Variants in FBXO33 observed in about 807,000 individuals in gnomAD.
The protein encoded by FBXO33 is F-box only protein 33.
In FBXO33, 22 loss-of-function variants were observed where a neutral mutation model predicts 46.3. The ratio of observed to expected loss-of-function variants is 0.48; its 90% confidence interval spans 0.34 to 0.68. The LOEUF (loss-of-function observed/expected upper bound fraction) is 0.68, where lower values mean the gene tolerates loss of function less well. Among genes scored for constraint, FBXO33 ranks in the 30% least tolerant of loss-of-function variants. The pLI is 0.01. For missense variants in FBXO33, 692 were observed against 708.8 expected, an observed-to-expected ratio of 0.98 and a Z score of 0.27; for synonymous variants, 337 against 291.3, an observed-to-expected ratio of 1.16 and a Z score of -1.60.
chr14:39,412,175 T>G (rs985616509), intron 1 of FBXO33, among the ~76,000 whole-genome samples: 3 of 152,358 alleles, frequency 2.0e-5, no homozygotes, highest in African/African-American at 7.2e-5. Flanking sequence ...CTTATTTTAT[T>G]ATTGTATTGT....
intron 1 of FBXO33, among the ~76,000 whole-genome samples, chr14:39,422,195 T>C (rs540304885): frequency 1.3e-5 from 2 of 152,092 alleles, no homozygotes; most frequent in Admixed American, 1.3e-4. Flanking sequence ...GAGGCGGAGG[T>C]TGCAGTGAGC....
intron 1 of FBXO33, among the ~76,000 whole-genome samples, chr14:39,429,708 A>G (rs1349142432): frequency 6.6e-6 from 1 of 152,252 alleles, no homozygotes; most frequent in Non-Finnish European, 1.5e-5. Flanking sequence ...TGCTAATAGT[A>G]GATGACAAGC....
Position 39,431,601 on chromosome 14 carries a change from G to C in FBXO33, c.562C>G (p.Leu188Val), listed in dbSNP as rs1343235574. ...WLEVLRTYLE[L>V]VLCVLVSIRN... ...ATGCTGACCAGCACGCAAAGCACCA[G>C]CTCCAAGTAGGTGCGCAGCACTTCC... Residue 188 changes from leucine (L) to valine (V), a missense_variant, in exon 1 of 4, where the codon CTG becomes GTG. Coordinates refer to ENST00000298097, the MANE Select transcript of FBXO33 (RefSeq NM_203301.4). 3 of 1,613,366 alleles carry C rather than the reference G, an allele frequency of 1.9e-6. No homozygotes were observed. The highest frequency in any genetic ancestry group is 2.5e-6 in the Non-Finnish European group (3 of 1,180,014).
intron 1 of FBXO33, among the ~76,000 whole-genome samples, chr14:39,403,216 TAA>T (rs2075377012): frequency 6.6e-6 from 1 of 152,220 alleles, no homozygotes; most frequent in Non-Finnish European, 1.5e-5. Context: ...TCTACTCAGT[TAA>T]GAAATATTCC....
chr14:39,419,229 A>G (rs1451430214), intron 1 of FBXO33, among the ~76,000 whole-genome samples: 1 of 152,242 alleles, frequency 6.6e-6, no homozygotes, highest in Non-Finnish European at 1.5e-5. Flanking sequence ...GAAAAATTAT[A>G]ACTCACGTAT....
chr14:39,416,667 AC>A (rs773837276), intron 1 of FBXO33, among the ~76,000 whole-genome samples: 2 of 152,006 alleles, frequency 1.3e-5, no homozygotes, highest in Non-Finnish European at 2.9e-5. Flanking sequence ...ATTCTTCAGC[AC>A]CAGTATTTGT....
intron 1 of FBXO33, among the ~76,000 whole-genome samples, chr14:39,420,168 G>C (rs908134182): frequency 6.6e-6 from 1 of 152,138 alleles, no homozygotes; most frequent in Non-Finnish European, 1.5e-5. Context: ...AAAAGTTATG[G>C]TGGTTAAGTT....
chr14:39,425,048 C>T (rs1308313370), intron 1 of FBXO33, among the ~76,000 whole-genome samples: 1 of 151,184 alleles, frequency 6.6e-6, no homozygotes, highest in Non-Finnish European at 1.5e-5. Context: ...GAGACTCCAT[C>T]TCAAAAAAAA....
rs550993855 is a variant in FBXO33, at chr14:39,415,019, G to A, written c.600-12508C>T. Among the ~76,000 whole-genome samples, 138 of 152,238 alleles carry A rather than the reference G, an allele frequency of 9.1e-4. 1 individual carries two copies. The highest frequency in any genetic ancestry group is 1.2e-3 in the East Asian group (6 of 5,192). On this transcript the variant is annotated intron_variant, in intron 1 of 3. Transcript: ENST00000298097. ...CAAGAAATGGGGGAAGGGCTGGTCC[G>A]TAGTCAGAACACACACACAATTTAT...
chr14:39,410,503 G>A (rs2075417554), intron 1 of FBXO33, among the ~76,000 whole-genome samples: 2 of 152,134 alleles, frequency 1.3e-5, no homozygotes, highest in Non-Finnish European at 2.9e-5. Flanking sequence ...TAGTGTCCTT[G>A]TCTGGCTTTG....
chr14:39,417,754 C>T (rs1168271444), intron 1 of FBXO33, among the ~76,000 whole-genome samples: 1 of 152,138 alleles, frequency 6.6e-6, no homozygotes, highest in Non-Finnish European at 1.5e-5. Flanking sequence ...TGGTCTTGAA[C>T]TCCTGACCTC....
At chr14:39,413,312 TATG>T (rs1291354336) in intron 1 of FBXO33, among the ~76,000 whole-genome samples, 1 of 152,258 alleles carries the variant, frequency 6.6e-6, no homozygotes, top group Non-Finnish European at 1.5e-5. Flanking sequence ...ATTCCAGTTT[TATG>T]ATGAGATTGT....
rs566930528 is a variant in FBXO33, at chr14:39,420,155, A to G, written c.599+11409T>C. 2.8e-4 allele frequency among the ~76,000 whole-genome samples: 42 copies of G among 152,360 alleles called. No individual in the cohort carries two copies. The South Asian group carries it at 2.9e-3, about 11-fold the overall frequency. ...AATATGTATATTGTGTGCCAATGAC[A>G]TGAAAAGTTATGGTGGTTAAGTTCT... On this transcript the variant is annotated intron_variant, in intron 1 of 3. Transcript: ENST00000298097.
In FBXO33 at chr14:39,431,729, G is replaced by A. The variant is rs751267514; in HGVS notation, c.434C>T (p.Ala145Val). ...FVRELRVEFA[A>V]ENYLSGGGPG... The stretch of plus-strand genomic sequence containing the variant: ...GCCACCGCCGCTCAGATAGTTCTCG[G>A]CGGCGAATTCAACACGCAGCTCTCG... The change falls in exon 1 of 4, where the codon GCC (alanine) becomes GTC (valine). Residue 145 changes from alanine (A) to valine (V), a missense_variant. By Grantham distance (64) the Ala-to-Val change is moderately conservative. Coordinates refer to ENST00000298097, the MANE Select transcript of FBXO33 (RefSeq NM_203301.4). The A allele has an allele frequency of 1.2e-6, 2 of 1,613,260 alleles. No homozygotes were observed. The highest frequency in any genetic ancestry group is 1.7e-6 in the Non-Finnish European group (2 of 1,179,986).
intron 1 of FBXO33, among the ~76,000 whole-genome samples, chr14:39,420,316 G>A (rs2075475037): frequency 6.6e-6 from 1 of 152,162 alleles, no homozygotes; most frequent in Non-Finnish European, 1.5e-5. Context: ...ACATAGAAAT[G>A]TCCATAATTT....
At chr14:39,411,198 C>T (rs1157150007) in intron 1 of FBXO33, among the ~76,000 whole-genome samples, 6 of 151,694 alleles carry the variant, frequency 4.0e-5, no homozygotes, top group East Asian at 3.9e-4. Flanking sequence ...CAGGTTCAAG[C>T]GATTCTCCCG....
In FBXO33 at chr14:39,399,460, A is replaced by C. The variant is rs1296950319; in HGVS notation, c.*56T>G. The C allele has an allele frequency of 4.7e-6, 7 of 1,496,746 alleles. No homozygotes were observed. The highest frequency in any genetic ancestry group is 1.4e-5 in the African/African-American group (1 of 71,420). The allele number at this position is 1,496,746 out of a possible 1,614,324, so 92.7% of individuals were successfully genotyped here. ...ATTAATTCACACTACTGAAAAAAAA[A>C]CATAATAGGACCCTACTTGCATATG... On this transcript the variant is annotated 3_prime_UTR_variant, in exon 4 of 4. Transcript: ENST00000298097.
chr14:39,426,962 C>T (rs980565028), intron 1 of FBXO33, among the ~76,000 whole-genome samples: 1 of 152,150 alleles, frequency 6.6e-6, no homozygotes, highest in African/African-American at 2.4e-5. Context: ...GAACGGGAAG[C>T]ATGTCTTCCC....
chr14:39,400,069 T>C (rs1004017874), intron 3 of FBXO33, among the ~76,000 whole-genome samples: 5 of 152,186 alleles, frequency 3.3e-5, no homozygotes, highest in Admixed American at 1.3e-4. Context: ...TTCAGTAAAA[T>C]AGACATTTAA....
Sources: gnomAD v4.1 joint callset for allele counts (sites outside exome capture counted in the v4.1 genomes callset) on GRCh38, gnomAD v4.1.1 for gene constraint, MANE v1.5 for transcripts, NCBI Gene and HGNC (gene_info 2026-07-23, HGNC 2026-07-21) for gene names.